FOXO1: variants seen among roughly 807,000 people sequenced by gnomAD.
FOXO1 encodes the protein forkhead box protein O1.
Under a neutral mutation model 44.1 loss-of-function variants are expected in FOXO1, and 6 were observed. That is an observed-to-expected ratio of 0.14 (90% CI 0.07 to 0.27). The LOEUF is 0.27. Among genes scored for constraint, FOXO1 ranks in the 10% least tolerant of loss-of-function variants. The pLI is 1.00. For synonymous variants in FOXO1, 380 were observed against 362.7 expected (o/e 1.05, Z -0.54); for missense variants, 737 against 888.8 (o/e 0.83, Z 2.17).
At position 40,662,665 on chromosome 13, in the gene FOXO1, T is replaced by A. The variant is rs918700415; in HGVS notation, c.630+2918A>T. Among the ~76,000 whole-genome samples the A allele has an allele frequency of 3.3e-5, 5 of 152,366 alleles. No homozygotes were observed. The East Asian group carries it at 9.6e-4, about 29-fold the overall frequency. The stretch of plus-strand genomic sequence containing the variant: ...TTCATTAACAGTTTTCCAACTAGTT[T>A]GTCCTATGCAAATGACTCAAACTTT... On this transcript the variant is annotated intron_variant, in intron 1 of 2. Transcript: ENST00000379561.
At chr13:40,572,196 A>AC (rs750033548) in intron 1 of FOXO1, among the ~76,000 whole-genome samples, 9 of 152,174 alleles carry the variant, frequency 5.9e-5, no homozygotes, top group Non-Finnish European at 1.2e-4. Context: ...ACAATATCCC[A>AC]CCCATAGCAT....
At chr13:40,602,932 C>A (rs922698589) in intron 1 of FOXO1, among the ~76,000 whole-genome samples, 4 of 152,138 alleles carry the variant, frequency 2.6e-5, no homozygotes, top group African/African-American at 9.7e-5. Flanking sequence ...AGTTCAAGGT[C>A]CCAATCCAGA....
chr13:40,657,661 A>G (rs544162445), intron 1 of FOXO1, among the ~76,000 whole-genome samples: 33 of 152,234 alleles, frequency 2.2e-4, no homozygotes, highest in Non-Finnish European at 2.2e-4. Flanking sequence ...AGCCTGGTTC[A>G]ACGGCCAATA....
rs1261645712 is a variant in FOXO1 at position 40,558,970 on chromosome 13, G to A, written c.*79C>T. ...GAAAACTAAAAGGGAGTTGGTGAAA[G>A]ACATCTTTGGACTGCTTCTCTCAGT... is the stretch of plus-strand genomic sequence containing the variant. On this transcript the variant is annotated 3_prime_UTR_variant, in exon 3 of 3. Coordinates refer to ENST00000379561, the MANE Select transcript of FOXO1 (RefSeq NM_002015.4). The A allele has an allele frequency of 7.6e-6, 3 of 395,904 alleles. No individual in the cohort carries two copies. Among genetic ancestry groups the A allele is most frequent in the South Asian group, 1.3e-4 (1 of 7,732 alleles). The allele number at this position is 395,904 out of a possible 1,614,324, so 24.5% of individuals were successfully genotyped here.
chr13:40,645,078 T>C (rs1280738798), intron 1 of FOXO1, among the ~76,000 whole-genome samples: 1 of 152,216 alleles, frequency 6.6e-6, no homozygotes, highest in Admixed American at 6.5e-5. Flanking sequence ...CTGAAATGGC[T>C]ATGACTTCTT....
At chr13:40,638,126 T>C (rs193191673) in intron 1 of FOXO1, among the ~76,000 whole-genome samples, 123 of 152,362 alleles carry the variant, frequency 8.1e-4, no homozygotes, top group Non-Finnish European at 1.5e-3. Flanking sequence ...GCAGAAAGGC[T>C]GGAATGCTGT....
At chr13:40,596,226 C>T (rs547568575) in intron 1 of FOXO1, among the ~76,000 whole-genome samples, 3 of 152,222 alleles carry the variant, frequency 2.0e-5, no homozygotes, top group South Asian at 4.2e-4. Context: ...CACTTGCTCC[C>T]GAATGGGATG....
At chr13:40,605,640 C>G (rs551359141) in intron 1 of FOXO1, among the ~76,000 whole-genome samples, 1 of 152,304 alleles carries the variant, frequency 6.6e-6, no homozygotes, top group African/African-American at 2.4e-5. Context: ...ACCTAAACTA[C>G]AGTGCTCATC....
At position 40,666,489 on chromosome 13, in the gene FOXO1, C is replaced by T. The variant is rs1566089758; in HGVS notation, c.-277G>A. The T allele has an allele frequency of 2.9e-6, 1 of 339,466 alleles. No homozygotes were observed. Among genetic ancestry groups the T allele is most frequent in the Non-Finnish European group, 5.3e-6 (1 of 187,398 alleles). The allele number at this position is 339,466 out of a possible 1,614,324, so 21.0% of individuals were successfully genotyped here. On this transcript the variant is annotated 5_prime_UTR_variant, in exon 1 of 3. Transcript: ENST00000379561. ...CCGGGCCGGGGCAGAGCCTGCGCCGCGCTCCAGCTGACAGGGCCGCGGACG... is the reference window on the plus strand; with the variant it reads ...CCGGGCCGGGGCAGAGCCTGCGCCGTGCTCCAGCTGACAGGGCCGCGGACG...
At chr13:40,562,286 G>C (rs1371770124) in intron 1 of FOXO1, among the ~76,000 whole-genome samples, 1 of 152,132 alleles carries the variant, frequency 6.6e-6, no homozygotes, top group Non-Finnish European at 1.5e-5. Flanking sequence ...AACGCAAAGA[G>C]CTCTAACTCT....
intron 1 of FOXO1, among the ~76,000 whole-genome samples, chr13:40,594,125 T>A (rs558964274): frequency 6.6e-6 from 1 of 152,140 alleles, no homozygotes; most frequent in Non-Finnish European, 1.5e-5. Context: ...TATATAATTA[T>A]CAAGTGAACA....
At chr13:40,591,071 G>A (rs1429952685) in intron 1 of FOXO1, among the ~76,000 whole-genome samples, 1 of 152,112 alleles carries the variant, frequency 6.6e-6, no homozygotes, top group South Asian at 2.1e-4. Flanking sequence ...AAGGCAAGAG[G>A]ACTAGCAGTC....
chr13:40,641,890 G>A (rs1315503919), intron 1 of FOXO1, among the ~76,000 whole-genome samples: 2 of 152,126 alleles, frequency 1.3e-5, no homozygotes, highest in African/African-American at 4.8e-5. Flanking sequence ...GGAGGCTGAG[G>A]TGAGAGGACC....
intron 1 of FOXO1, chr13:40,619,488 T>G: frequency 1.5e-6 from 2 of 1,307,736 alleles, no homozygotes; most frequent in Middle Eastern, 3.7e-4. Context: ...GTGGAGAGTT[T>G]CGGTTTAGTT....
In FOXO1 at chr13:40,566,436, T is replaced by C. The variant is rs1874271864; in HGVS notation, c.631-5576A>G. On this transcript the variant is annotated intron_variant, in intron 1 of 2. Transcript: ENST00000379561. Reference sequence around the variant, plus strand: ...CTCTGTTGCCCAGGCTGGAGTGCAGTGGCTTGATCTTGGCTCACTGCAACC... The same window carrying C: ...CTCTGTTGCCCAGGCTGGAGTGCAGCGGCTTGATCTTGGCTCACTGCAACC... Among the ~76,000 whole-genome samples the C allele has an allele frequency of 1.3e-5, 2 of 151,946 alleles. 1 individual carries two copies. The highest frequency in any genetic ancestry group is 4.1e-4 in the South Asian group (2 of 4,822).
intron 1 of FOXO1, among the ~76,000 whole-genome samples, chr13:40,641,150 A>C (rs1877337730): frequency 6.6e-6 from 1 of 152,150 alleles, no homozygotes. Flanking sequence ...TCCCCGTAAA[A>C]GGAGGTTCTT....
chr13:40,602,465 G>A (rs954570163), intron 1 of FOXO1, among the ~76,000 whole-genome samples: 2 of 152,084 alleles, frequency 1.3e-5, no homozygotes, highest in African/African-American at 2.4e-5. Context: ...CATTAATACC[G>A]ATCCCTTAGG....
In FOXO1 at chr13:40,665,919, G is replaced by C. The variant is rs1023442196; in HGVS notation, c.294C>G (p.Ala98=). The part of the protein sequence containing the change: ...GSVAAAVAAA[A]AAAATGGLCG... ...ACAGCCCCCCGGTGGCGGCCGCGGCGGCCGCCGCCGCCACCGCCGCCGCCA... is the reference window on the plus strand; with the variant it reads ...ACAGCCCCCCGGTGGCGGCCGCGGCCGCCGCCGCCGCCACCGCCGCCGCCA... The change falls in exon 1 of 3, where the codon GCC becomes GCG. Residue 98 remains alanine (A), a synonymous_variant. Transcript: ENST00000379561. The C allele has an allele frequency of 3.3e-6, 4 of 1,198,778 alleles. No individual in the cohort carries two copies. In the Admixed American group the frequency reaches 1.4e-4, roughly 41 times the overall value. 74.3% of individuals were successfully genotyped at this position (1,198,778 alleles called of 1,614,324 possible).
At chr13:40,578,250 T>C (rs1314478814) in intron 1 of FOXO1, among the ~76,000 whole-genome samples, 2 of 152,154 alleles carry the variant, frequency 1.3e-5, no homozygotes, top group African/African-American at 4.8e-5. Flanking sequence ...CTTAAGTCCA[T>C]CCCTAAGCCA....
Sources: gnomAD v4.1 joint callset for allele counts (sites outside exome capture counted in the v4.1 genomes callset) on GRCh38, gnomAD v4.1.1 for gene constraint, MANE v1.5 for transcripts, NCBI Gene and HGNC (gene_info 2026-07-23, HGNC 2026-07-21) for gene names.